PRIM2: variants seen among roughly 807,000 people sequenced by gnomAD.
PRIM2 encodes DNA primase large subunit.
In PRIM2, 39 loss-of-function variants were observed where a neutral mutation model predicts 67.3. That is an observed-to-expected ratio of 0.58 (90% CI 0.45 to 0.76). The LOEUF (loss-of-function observed/expected upper bound fraction) is 0.76, where lower values mean the gene tolerates loss of function less well. Among genes scored for constraint, PRIM2 ranks in the 30% least tolerant of loss-of-function variants. The probability of loss-of-function intolerance (pLI) is 0.00; values close to 1 mark genes in which losing one functional copy is unlikely to be tolerated. For missense variants in PRIM2, 398 were observed against 598.7 expected (o/e 0.66, Z 3.50); for synonymous variants, 143 against 198.7 (o/e 0.72, Z 2.36).
At chr6:57,388,725 G>T (rs1209560348) in intron 7 of PRIM2, among the ~76,000 whole-genome samples, 6 of 151,976 alleles carry the variant, frequency 3.9e-5, no homozygotes, top group Admixed American at 3.9e-4. Flanking sequence ...TTTATTAGGG[G>T]GTGATGCCTT....
At chr6:57,624,562 A>G (rs1401066441) in intron 12 of PRIM2, among the ~76,000 whole-genome samples, 1 of 152,218 alleles carries the variant, frequency 6.6e-6, no homozygotes, top group Non-Finnish European at 1.5e-5. Flanking sequence ...AGAATGCTTC[A>G]TATAAGAAGT....
intron 7 of PRIM2, among the ~76,000 whole-genome samples, chr6:57,489,509 A>G (rs1773835134): frequency 1.0e-4 from 2 of 20,086 alleles, no homozygotes; most frequent in African/African-American, 9.6e-4. Flanking sequence ...TTGAGCCGAG[A>G]TCGTTCCACT....
chr6:57,329,857 G>T (rs1767995394), intron 5 of PRIM2, among the ~76,000 whole-genome samples: 1 of 152,084 alleles, frequency 6.6e-6, no homozygotes, highest in Admixed American at 6.5e-5. Context: ...CCATTGATCT[G>T]TCTGCTTATC....
chr6:57,455,645 C>T (rs1461503781), intron 7 of PRIM2, among the ~76,000 whole-genome samples: 4 of 152,232 alleles, frequency 2.6e-5, no homozygotes, highest in Admixed American at 2.0e-4. Flanking sequence ...CTTGGTAGAT[C>T]TTCCTCCATC....
the PRIM2 span, among the ~76,000 whole-genome samples, chr6:57,239,773 C>T: frequency 5.9e-5 from 9 of 152,084 alleles, no homozygotes; most frequent in Non-Finnish European, 1.3e-4. Flanking sequence ...ATGCCACCAT[C>T]CACAAGGAGC....
At chr6:57,262,204 C>A in the PRIM2 span, among the ~76,000 whole-genome samples, 1 of 152,194 alleles carries the variant, frequency 6.6e-6, no homozygotes, top group East Asian at 1.9e-4. Flanking sequence ...AGTTATTTAA[C>A]CTCCTGAGCT....
chr6:57,222,648 T>C, the PRIM2 span, among the ~76,000 whole-genome samples: 2 of 152,324 alleles, frequency 1.3e-5, no homozygotes, highest in Admixed American at 1.3e-4. Context: ...GAAAACGCAC[T>C]CACACAGCCT....
At chr6:57,284,910 A>G in the PRIM2 span, among the ~76,000 whole-genome samples, 21,983 of 152,154 alleles carry the variant, frequency 0.14, 2,043 homozygotes, top group African/African-American at 0.26. Context: ...AGAAGAATCA[A>G]ATAGATACAA....
chr6:57,313,849 A>T (rs1767431143), upstream of PRIM2, among the ~76,000 whole-genome samples: 1 of 152,184 alleles, frequency 6.6e-6, no homozygotes, highest in Non-Finnish European at 1.5e-5. Context: ...ATGAACACTC[A>T]CTTAGATTTA....
chr6:57,626,624 C>CTTT (rs1159199798), intron 12 of PRIM2, among the ~76,000 whole-genome samples: 3 of 134,002 alleles, frequency 2.2e-5, no homozygotes, highest in South Asian at 2.4e-4. Context: ...AACTGCATTG[C>CTTT]TTTTTTTTTT....
chr6:57,280,038 C>T, the PRIM2 span, among the ~76,000 whole-genome samples: 1 of 152,218 alleles, frequency 6.6e-6, no homozygotes, highest in Non-Finnish European at 1.5e-5. Flanking sequence ...GACCAGATAA[C>T]ATGAGGCCCC....
At chr6:57,453,272 C>G (rs1772624423) in intron 7 of PRIM2, among the ~76,000 whole-genome samples, 1 of 152,182 alleles carries the variant, frequency 6.6e-6, no homozygotes, top group Non-Finnish European at 1.5e-5. Flanking sequence ...AATGTGGGTT[C>G]TCTTTTGGTT....
intron 7 of PRIM2, among the ~76,000 whole-genome samples, chr6:57,447,460 C>T (rs1309435824): frequency 9.2e-5 from 14 of 152,122 alleles, no homozygotes; most frequent in Admixed American, 9.2e-4. Context: ...TAAGCTATTC[C>T]TGAAGACGAG....
At chr6:57,465,079 G>A (rs1773141207) in intron 7 of PRIM2, among the ~76,000 whole-genome samples, 2 of 152,124 alleles carry the variant, frequency 1.3e-5, no homozygotes, top group Admixed American at 1.3e-4. Flanking sequence ...GTAACACAAT[G>A]TAATTTCATG....
intron 7 of PRIM2, among the ~76,000 whole-genome samples, chr6:57,386,704 G>A (rs1562725085): frequency 6.6e-6 from 1 of 150,924 alleles, no homozygotes; most frequent in Non-Finnish European, 1.5e-5. Flanking sequence ...TAGGGCTGTG[G>A]CGAAGTAGAA....
intron 5 of PRIM2, among the ~76,000 whole-genome samples, chr6:57,334,922 G>A (rs9475849): frequency 0.035 from 5,382 of 152,282 alleles, 296 homozygotes; most frequent in African/African-American, 0.12. Flanking sequence ...CAGAAGATGG[G>A]TGATTTCTGC....
chr6:57,315,078 C>T (rs932615814), upstream of PRIM2, among the ~76,000 whole-genome samples: 1 of 152,148 alleles, frequency 6.6e-6, no homozygotes, highest in African/African-American at 2.4e-5. Flanking sequence ...TAAGCATGAA[C>T]ATATATTTCC....
intron 7 of PRIM2, among the ~76,000 whole-genome samples, chr6:57,418,546 G>GCCAC (rs1456010236): frequency 6.6e-6 from 1 of 151,220 alleles, no homozygotes; most frequent in Non-Finnish European, 1.5e-5. Flanking sequence ...ACAGGCGCGT[G>GCCAC]CCACCACGCC....
chr6:57,233,904 C>T, the PRIM2 span, among the ~76,000 whole-genome samples: 1 of 152,088 alleles, frequency 6.6e-6, no homozygotes, highest in African/African-American at 2.4e-5. Context: ...CTCAAGTGAT[C>T]CTCCCGCCTT....
Sources: gnomAD v4.1 joint callset for allele counts (sites outside exome capture counted in the v4.1 genomes callset) on GRCh38, gnomAD v4.1.1 for gene constraint, MANE v1.5 for transcripts, NCBI Gene and HGNC (gene_info 2026-07-23, HGNC 2026-07-21) for gene names.